Variants in UNC5C observed in about 807,000 individuals in gnomAD.
UNC5C encodes netrin receptor UNC5C.
UNC5C carries 47 observed loss-of-function variants against 99.8 expected under a neutral mutation model. That is an observed-to-expected ratio of 0.47 (90% CI 0.37 to 0.60). The LOEUF is 0.60. UNC5C is among the 20% of genes least tolerant of loss of function. UNC5C has a pLI of 0.00. For synonymous variants in UNC5C, 487 were observed against 452.2 expected (o/e 1.08, Z -0.98); for missense variants, 1,062 against 1,165.9 (o/e 0.91, Z 1.30).
At chr4:95,415,526 G>A (rs1746137737) in intron 1 of UNC5C, among the ~76,000 whole-genome samples, 2 of 152,122 alleles carry the variant, frequency 1.3e-5, no homozygotes, top group African/African-American at 4.8e-5. Context: ...TTTAATGATT[G>A]AGTTGATATT....
chr4:95,204,521 C>T (rs1299788997), intron 11 of UNC5C, among the ~76,000 whole-genome samples: 3 of 152,240 alleles, frequency 2.0e-5, no homozygotes, highest in Non-Finnish European at 4.4e-5. Context: ...CAAGTATGGA[C>T]AAAGCCTCAC....
At chr4:95,210,418 A>G (rs570265607) in intron 10 of UNC5C, among the ~76,000 whole-genome samples, 14 of 152,340 alleles carry the variant, frequency 9.2e-5, no homozygotes, top group Admixed American at 7.8e-4. Context: ...AGATTTAACT[A>G]TGTGAAAACT....
In UNC5C at chr4:95,373,778, G is replaced by C. The variant is rs191666984; in HGVS notation, c.125-38147C>G. Among the ~76,000 whole-genome samples the C allele has an allele frequency of 2.6e-4, 40 of 152,216 alleles. 1 individual carries two copies. Among genetic ancestry groups the C allele is most frequent in the South Asian group, 2.3e-3 (11 of 4,822 alleles). On this transcript the variant is annotated intron_variant, in intron 1 of 15. Coordinates refer to ENST00000453304, the MANE Select transcript of UNC5C (RefSeq NM_003728.4). Reference sequence around the variant, plus strand: ...TGATTCATTTTACAAATGTGGGAAGGGGGTGGCGAGCTTCCATTAATGTCC... The same window carrying C: ...TGATTCATTTTACAAATGTGGGAAGCGGGTGGCGAGCTTCCATTAATGTCC...
chr4:95,235,241 C>T lies in UNC5C; in HGVS notation c.1108+7188G>A, dbSNP rs1212595759. Among the ~76,000 whole-genome samples, 4 of 152,160 alleles carry T rather than the reference C, an allele frequency of 2.6e-5. No individual in the cohort carries two copies. The East Asian group carries it at 5.8e-4, about 22-fold the overall frequency. On this transcript the variant is annotated intron_variant, in intron 7 of 15. Transcript: ENST00000453304. ...AGACCATGCTGTGGCCTATCCTCAA[C>T]AGTTCTTTTTAAAAAATGTCATTTA...
intron 2 of UNC5C, among the ~76,000 whole-genome samples, chr4:95,306,385 G>A (rs1364293680): frequency 3.3e-5 from 5 of 151,998 alleles, no homozygotes; most frequent in Admixed American, 6.5e-5. Flanking sequence ...TGTATTTTTA[G>A]TAGAGATGGG....
chr4:95,486,420 C>T (rs1394849200), intron 1 of UNC5C, among the ~76,000 whole-genome samples: 1 of 151,566 alleles, frequency 6.6e-6, no homozygotes, highest in African/African-American at 2.4e-5. Context: ...TGTTGATACT[C>T]TGGCATCTCT....
At chr4:95,414,728 C>T (rs917396475) in intron 1 of UNC5C, among the ~76,000 whole-genome samples, 2 of 152,140 alleles carry the variant, frequency 1.3e-5, no homozygotes, top group Non-Finnish European at 2.9e-5. Context: ...ATGCCTATAA[C>T]CTTATCCACA....
At chr4:95,470,079 A>G (rs1403204183) in intron 1 of UNC5C, among the ~76,000 whole-genome samples, 3 of 152,138 alleles carry the variant, frequency 2.0e-5, no homozygotes, top group African/African-American at 7.2e-5. Flanking sequence ...ATTTGTGCAC[A>G]TAAGTTTTGA....
At chr4:95,545,937 T>C (rs1723049298) in intron 1 of UNC5C, among the ~76,000 whole-genome samples, 1 of 152,328 alleles carries the variant, frequency 6.6e-6, no homozygotes, top group East Asian at 1.9e-4. Context: ...GCCTAGAGAA[T>C]TTCCCAAGGA....
chr4:95,453,395 T>C (rs1204922353), intron 1 of UNC5C, among the ~76,000 whole-genome samples: 1 of 151,004 alleles, frequency 6.6e-6, no homozygotes, highest in Non-Finnish European at 1.5e-5. Context: ...TTTAATACAA[T>C]AAGTATATTC....
chr4:95,354,479 A>ATATTTTTTTTTTTT, intron 1 of UNC5C, among the ~76,000 whole-genome samples: 39 of 110,334 alleles, frequency 3.5e-4, no homozygotes, highest in South Asian at 2.6e-3. Flanking sequence ...ATATATATAT[A>ATATTTTTTTTTTTT]TTTTTTTTTT....
intron 1 of UNC5C, among the ~76,000 whole-genome samples, chr4:95,482,001 T>G (rs1213475347): frequency 5.3e-5 from 8 of 151,960 alleles, no homozygotes; most frequent in Non-Finnish European, 1.0e-4. Flanking sequence ...AAGCCAAAAT[T>G]GACAAATGGG....
chr4:95,477,865 C>T (rs1247315105), intron 1 of UNC5C, among the ~76,000 whole-genome samples: 2 of 151,950 alleles, frequency 1.3e-5, no homozygotes, highest in East Asian at 1.9e-4. Context: ...AGTTGGCTCA[C>T]TTGGGTTGGA....
At chr4:95,284,782 A>T (rs1741175808) in intron 3 of UNC5C, among the ~76,000 whole-genome samples, 2 of 152,146 alleles carry the variant, frequency 1.3e-5, no homozygotes, top group African/African-American at 4.8e-5. Flanking sequence ...GGGGAGGAAA[A>T]TGCCTATCCA....
intron 1 of UNC5C, among the ~76,000 whole-genome samples, chr4:95,344,455 T>C (rs1743695318): frequency 6.6e-6 from 1 of 152,014 alleles, no homozygotes; most frequent in Admixed American, 6.6e-5. Flanking sequence ...AAGGAGTTCT[T>C]CAATTGGAAA....
At chr4:95,439,770 A>G (rs1746896525) in intron 1 of UNC5C, among the ~76,000 whole-genome samples, 1 of 152,086 alleles carries the variant, frequency 6.6e-6, no homozygotes, top group Non-Finnish European at 1.5e-5. Flanking sequence ...TCCCATTTAG[A>G]CTGGCTAATT....
In UNC5C at chr4:95,327,910, C is replaced by T. The variant is rs375736238; in HGVS notation, c.346+7500G>A. Among the ~76,000 whole-genome samples, 24 of 151,892 alleles carry T rather than the reference C, an allele frequency of 1.6e-4. No individual in the cohort carries two copies. The South Asian group carries it at 4.4e-3, about 28-fold the overall frequency. ...ATTCAGGACACACTGGGTGCAGGAA[C>T]CCAAAAAGGCTGTCACACTGACTCT... On this transcript the variant is annotated intron_variant, in intron 2 of 15. Coordinates refer to ENST00000453304, the MANE Select transcript of UNC5C (RefSeq NM_003728.4).
In UNC5C at chr4:95,389,344, C is replaced by T. The variant is rs535350216; in HGVS notation, c.125-53713G>A. Among the ~76,000 whole-genome samples the T allele has an allele frequency of 2.6e-5, 4 of 152,170 alleles. No homozygotes were observed. In the South Asian group the frequency reaches 6.2e-4, roughly 24 times the overall value. On this transcript the variant is annotated intron_variant, in intron 1 of 15. Coordinates refer to ENST00000453304, the MANE Select transcript of UNC5C (RefSeq NM_003728.4). The stretch of plus-strand genomic sequence containing the variant: ...GAAAGGAAAATCTAAGTATTAATTA[C>T]AGAAGGTATGTAGGTAATGTTTGCA...
chr4:95,305,244 C>T (rs1293686660), intron 2 of UNC5C, among the ~76,000 whole-genome samples: 1 of 152,124 alleles, frequency 6.6e-6, no homozygotes, highest in South Asian at 2.1e-4. Context: ...ATACTTATGA[C>T]TCAGAAGAAT....
Sources: allele counts gnomAD v4.1 joint callset (sites outside exome capture counted in the v4.1 genomes callset), GRCh38; gene constraint gnomAD v4.1.1; transcripts MANE v1.5; gene names NCBI Gene and HGNC (gene_info 2026-07-23, HGNC 2026-07-21).